The following MAST4 variants were observed in gnomAD, a reference collection of about 807,000 sequenced individuals.
MAST4 encodes microtubule associated serine/threonine kinase family member 4, also known as microtubule-associated serine/threonine-protein kinase 4.
In MAST4, 89 loss-of-function variants were observed where a neutral mutation model predicts 162.7. The ratio of observed to expected loss-of-function variants is 0.55; its 90% confidence interval spans 0.46 to 0.65. MAST4 has a LOEUF of 0.65. Ranked by LOEUF, MAST4 falls within the 30% of genes least tolerant of loss-of-function variation. MAST4 has a pLI of 0.00. For synonymous variants in MAST4, 1,479 were observed against 1,361.1 expected, an observed-to-expected ratio of 1.09 and a Z score of -1.91; for missense variants, 3,153 against 3,374.0, an observed-to-expected ratio of 0.93 and a Z score of 1.62.
chr5:66,719,292 AT>A (rs1561284434), intron 1 of MAST4, among the ~76,000 whole-genome samples: 1 of 152,202 alleles, frequency 6.6e-6, no homozygotes, highest in Non-Finnish European at 1.5e-5. Context: ...TTTGGAGGAA[AT>A]ATAAACTAGT....
chr5:67,023,681 G>A (rs1358970305), intron 4 of MAST4, among the ~76,000 whole-genome samples: 1 of 152,116 alleles, frequency 6.6e-6, no homozygotes, highest in East Asian at 1.9e-4. Flanking sequence ...CTTTTGAGAT[G>A]TGTATTTTTA....
At chr5:67,078,933 T>TATATATA (rs1762248128) in intron 5 of MAST4, among the ~76,000 whole-genome samples, 4 of 97,166 alleles carry the variant, frequency 4.1e-5, no homozygotes, top group African/African-American at 9.5e-5. Flanking sequence ...TATATATATA[T>TATATATA]ATATATATAT....
chr5:66,841,187 T>A (rs887212442), intron 3 of MAST4, among the ~76,000 whole-genome samples: 1 of 152,176 alleles, frequency 6.6e-6, no homozygotes, highest in African/African-American at 2.4e-5. Flanking sequence ...AAGTTCCTAA[T>A]AAGTTGTGGC....
At chr5:66,700,718 A>G (rs1478100473) in intron 1 of MAST4, among the ~76,000 whole-genome samples, 1 of 151,476 alleles carries the variant, frequency 6.6e-6, no homozygotes, top group African/African-American at 2.4e-5. Context: ...AAAAAAAACA[A>G]CAACTGACTC....
intron 1 of MAST4, among the ~76,000 whole-genome samples, chr5:66,691,454 TAAAA>T (rs1489637304): frequency 6.6e-6 from 1 of 152,162 alleles, no homozygotes; most frequent in Non-Finnish European, 1.5e-5. Flanking sequence ...TTACAGTAAA[TAAAA>T]CGGCTACATA....
At chr5:66,920,312 A>G (rs1450754734) in intron 4 of MAST4, among the ~76,000 whole-genome samples, 1 of 152,180 alleles carries the variant, frequency 6.6e-6, no homozygotes, top group African/African-American at 2.4e-5. Flanking sequence ...CAGAGTTGAT[A>G]AAGATAAATA....
rs762463237 is a variant in MAST4, at chr5:67,160,431, T to C, written c.3649-25T>C. The C allele has an allele frequency of 1.3e-5, 20 of 1,595,108 alleles. No homozygotes were observed. In the African/African-American group the frequency reaches 2.3e-4, roughly 18 times the overall value. On this transcript the variant is annotated intron_variant, in intron 26 of 28. Coordinates refer to ENST00000403625, the MANE Select transcript of MAST4 (RefSeq NM_001164664.2). ...CTTGCTTCATCACAGCATTTCCCTT[T>C]AATGCCACCTCATCTTTTCTTTAGA...
intron 3 of MAST4, chr5:66,792,186 CT>C (rs1171358142): frequency 6.0e-6 from 1 of 167,680 alleles, no homozygotes; most frequent in Non-Finnish European, 1.5e-5. Flanking sequence ...TTCTCTTCAG[CT>C]TTCTCTTTTC....
chr5:66,872,151 T>TTTG (rs1760979609), intron 3 of MAST4, among the ~76,000 whole-genome samples: 7 of 150,314 alleles, frequency 4.7e-5, no homozygotes, highest in South Asian at 4.2e-4. Context: ...GATATAAATT[T>TTTG]TTTGTTTGTT....
intron 4 of MAST4, among the ~76,000 whole-genome samples, chr5:67,034,359 A>T (rs1395706239): frequency 1.3e-5 from 2 of 152,114 alleles, no homozygotes; most frequent in Non-Finnish European, 2.9e-5. Context: ...ATGTCAGGTG[A>T]TACTTGTGGG....
At chr5:66,637,580 C>G (rs1376818039) in intron 1 of MAST4, among the ~76,000 whole-genome samples, 1 of 152,064 alleles carries the variant, frequency 6.6e-6, no homozygotes, top group Non-Finnish European at 1.5e-5. Context: ...TGATCCCTTC[C>G]TATCAAAGTT....
At position 66,957,827 on chromosome 5, in the gene MAST4, C is replaced by T. The variant is rs374558829; in HGVS notation, c.674+57845C>T. On this transcript the variant is annotated intron_variant, in intron 4 of 28. Coordinates refer to ENST00000403625, the MANE Select transcript of MAST4 (RefSeq NM_001164664.2). ...ATGAGAAAAATGGAGTGGAAGCAGC[C>T]CAGAGCCAGGTGCAGGCATAAAACC... Among the ~76,000 whole-genome samples the T allele has an allele frequency of 1.1e-4, 16 of 152,264 alleles. 2 individuals carry two copies. The South Asian group carries it at 3.3e-3, about 32-fold the overall frequency.
intron 3 of MAST4, among the ~76,000 whole-genome samples, chr5:66,899,618 T>C (rs1408625597): frequency 5.9e-5 from 9 of 152,194 alleles, no homozygotes; most frequent in Non-Finnish European, 7.4e-5. Context: ...AAATCCTGTT[T>C]GGATAAGTTC....
chr5:66,750,683 T>C (rs540660134), intron 1 of MAST4, among the ~76,000 whole-genome samples: 1 of 152,304 alleles, frequency 6.6e-6, no homozygotes, highest in African/African-American at 2.4e-5. Context: ...CACAGCAGTC[T>C]GAGATCAAAC....
chr5:67,133,263 T>C (rs2113054), intron 16 of MAST4, among the ~76,000 whole-genome samples: 59,509 of 151,782 alleles, frequency 0.39, 14,408 homozygotes, highest in African/African-American at 0.69. Flanking sequence ...ATAAATGATA[T>C]TGTATGTGGC....
chr5:67,040,081 T>C (rs879354333), intron 4 of MAST4, among the ~76,000 whole-genome samples: 4 of 152,072 alleles, frequency 2.6e-5, no homozygotes, highest in Non-Finnish European at 5.9e-5. Context: ...CATGTTACAA[T>C]GTGGGCATTA....
Position 66,788,663 on chromosome 5 carries a change from C to T in MAST4, c.518-7C>T, listed in dbSNP as rs1202273993. 1 of 1,361,852 alleles carries T rather than the reference C, an allele frequency of 7.3e-7. No homozygotes were observed. Among genetic ancestry groups the T allele is most frequent in the Admixed American group, 2.0e-5 (1 of 50,754 alleles). 84.4% of individuals were successfully genotyped at this position (1,361,852 alleles called of 1,614,324 possible). ...CACTTACATTTTCTTCTCTTTAACT[C>T]CAACAGGGAGGTACCTTCTTCCAAA... is the stretch of plus-strand genomic sequence containing the variant. On this transcript the variant is annotated splice_polypyrimidine_tract_variant and splice_region_variant and intron_variant, in intron 2 of 28. Coordinates refer to ENST00000403625, the MANE Select transcript of MAST4 (RefSeq NM_001164664.2).
chr5:67,102,096 G>A (rs113476563), intron 8 of MAST4, among the ~76,000 whole-genome samples: 2,068 of 151,478 alleles, frequency 0.014, 22 homozygotes, highest in Non-Finnish European at 0.023. Context: ...AGTGATGTGT[G>A]GCAGACCGCA....
At chr5:66,633,422 A>C (rs1158275841) in intron 1 of MAST4, among the ~76,000 whole-genome samples, 1 of 152,198 alleles carries the variant, frequency 6.6e-6, no homozygotes, top group East Asian at 1.9e-4. Flanking sequence ...ATAGACATGC[A>C]GTGATCTAAC....
Sources: gnomAD v4.1 joint callset for allele counts (sites outside exome capture counted in the v4.1 genomes callset) on GRCh38, gnomAD v4.1.1 for gene constraint, MANE v1.5 for transcripts, NCBI Gene and HGNC (gene_info 2026-07-23, HGNC 2026-07-21) for gene names.